The following RALYL variants were observed in gnomAD, a reference collection of about 807,000 sequenced individuals.
RALYL encodes RNA-binding Raly-like protein.
In RALYL, 29 loss-of-function variants were observed where a neutral mutation model predicts 35.1. The ratio of observed to expected loss-of-function variants is 0.83; its 90% confidence interval spans 0.61 to 1.13. The LOEUF is 1.13. Among genes scored for constraint, RALYL ranks in the 50% most tolerant of loss-of-function variants. RALYL has a pLI of 0.00. For synonymous variants in RALYL, 120 were observed against 127.6 expected, an observed-to-expected ratio of 0.94 and a Z score of 0.40; for missense variants, 359 against 360.4, an observed-to-expected ratio of 1.00 and a Z score of 0.03.
intron 8 of RALYL, among the ~76,000 whole-genome samples, chr8:84,908,806 G>A (rs1044005632): frequency 3.3e-5 from 5 of 151,418 alleles, no homozygotes; most frequent in East Asian, 1.9e-4. Flanking sequence ...TCTGCATTTC[G>A]TGCTTGACAA....
intron 1 of RALYL, among the ~76,000 whole-genome samples, chr8:84,277,583 C>T (rs1835668230): frequency 6.6e-6 from 1 of 152,196 alleles, no homozygotes; most frequent in Non-Finnish European, 1.5e-5. Context: ...TGAGACAAGG[C>T]AAGTCCCTTC....
intron 1 of RALYL, among the ~76,000 whole-genome samples, chr8:84,359,208 T>C (rs900562349): frequency 4.6e-5 from 7 of 150,666 alleles, no homozygotes; most frequent in African/African-American, 1.7e-4. Flanking sequence ...GGAGGGACTT[T>C]GAACTATAGG....
intron 1 of RALYL, among the ~76,000 whole-genome samples, chr8:84,468,572 T>C (rs1483251868): frequency 6.7e-6 from 1 of 148,860 alleles, no homozygotes; most frequent in African/African-American, 2.4e-5. Context: ...TGGCTGCCCT[T>C]AACATTTTTT....
intron 2 of RALYL, among the ~76,000 whole-genome samples, chr8:84,682,925 T>C (rs1835898905): frequency 6.6e-6 from 1 of 152,184 alleles, no homozygotes; most frequent in Non-Finnish European, 1.5e-5. Context: ...TTCTTTTAAT[T>C]GTGATGTTAG....
intron 1 of RALYL, among the ~76,000 whole-genome samples, chr8:84,413,992 C>G (rs2044363145): frequency 6.6e-6 from 1 of 151,858 alleles, no homozygotes; most frequent in Non-Finnish European, 1.5e-5. Flanking sequence ...AGGTTTTTTT[C>G]TAAGTAACCT....
chr8:84,184,860 G>A, intron 1 of RALYL: 1 of 1,014,356 alleles, frequency 9.9e-7, no homozygotes, highest in Non-Finnish European at 1.5e-6. Flanking sequence ...GCACCCGGGA[G>A]ATGGGGGTAG....
rs139636931 is a variant in RALYL, at chr8:84,434,744, G to T, written c.-23-94555G>T. Among the ~76,000 whole-genome samples the T allele has an allele frequency of 3.1e-3, 474 of 152,100 alleles. 3 individuals carry two copies. The highest frequency in any genetic ancestry group is 0.011 in the African/African-American group (448 of 41,486). On this transcript the variant is annotated intron_variant, in intron 1 of 8. Coordinates refer to ENST00000521268, the MANE Select transcript of RALYL (RefSeq NM_173848.7). The stretch of plus-strand genomic sequence containing the variant: ...ACTTCAGCCTCGACTACCTGAGCTC[G>T]AGTAATTCTCCCAACTCAGCCTCCC...
chr8:84,479,460 G>T (rs188526402), intron 1 of RALYL, among the ~76,000 whole-genome samples: 10 of 152,182 alleles, frequency 6.6e-5, no homozygotes, highest in Non-Finnish European at 1.5e-4. Flanking sequence ...ACCAAAGCAC[G>T]TGTTTTAGGA....
At chr8:84,422,534 G>T (rs1240252485) in intron 1 of RALYL, among the ~76,000 whole-genome samples, 1 of 74,134 alleles carries the variant, frequency 1.3e-5, no homozygotes, top group Non-Finnish European at 2.5e-5. Context: ...AGGGTTTTTT[G>T]TGTCTCTATT....
At chr8:84,727,206 GATA>G (rs1403929899) in intron 2 of RALYL, among the ~76,000 whole-genome samples, 1 of 151,374 alleles carries the variant, frequency 6.6e-6, no homozygotes, top group Non-Finnish European at 1.5e-5. Flanking sequence ...TTCATGCCAA[GATA>G]ATGTTATCAA....
At chr8:84,776,930 G>A (rs1480888908) in intron 3 of RALYL, among the ~76,000 whole-genome samples, 2 of 152,102 alleles carry the variant, frequency 1.3e-5, no homozygotes, top group Non-Finnish European at 2.9e-5. Context: ...ACAAATTAAG[G>A]CTGTACACTG....
At chr8:84,269,730 T>C (rs1466378619) in intron 1 of RALYL, among the ~76,000 whole-genome samples, 2 of 152,114 alleles carry the variant, frequency 1.3e-5, no homozygotes, top group African/African-American at 4.8e-5. Flanking sequence ...TAATACTGTA[T>C]GTATGGTTAA....
intron 1 of RALYL, among the ~76,000 whole-genome samples, chr8:84,361,082 G>T (rs1185190378): frequency 6.6e-6 from 1 of 152,078 alleles, no homozygotes. Context: ...TTGGGTCTGA[G>T]TGTAAGCACT....
chr8:84,568,214 A>C (rs1234894030), intron 2 of RALYL, among the ~76,000 whole-genome samples: 2 of 91,662 alleles, frequency 2.2e-5, no homozygotes, highest in African/African-American at 4.5e-5. Context: ...CCCACCCCAC[A>C]ACAGTCCCCA....
chr8:84,471,720 C>T (rs2052779319), intron 1 of RALYL, among the ~76,000 whole-genome samples: 1 of 152,182 alleles, frequency 6.6e-6, no homozygotes, highest in African/African-American at 2.4e-5. Flanking sequence ...TTTATCATAA[C>T]ACTGTGACCT....
intron 8 of RALYL, among the ~76,000 whole-genome samples, chr8:84,890,801 CAA>C (rs10584780): frequency 0.38 from 53,835 of 142,756 alleles, 10,145 homozygotes; most frequent in East Asian, 0.72. Flanking sequence ...TCAGATAGTG[CAA>C]AAAAAAAACA....
chr8:84,904,803 C>CT (rs886409545), intron 8 of RALYL, among the ~76,000 whole-genome samples: 4 of 151,420 alleles, frequency 2.6e-5, no homozygotes, highest in Admixed American at 6.6e-5. Context: ...TTTAACCACA[C>CT]TTTTTTTTTA....
At chr8:84,372,195 A>G (rs1855859254) in intron 1 of RALYL, among the ~76,000 whole-genome samples, 1 of 152,058 alleles carries the variant, frequency 6.6e-6, no homozygotes, top group Non-Finnish European at 1.5e-5. Context: ...TTACAAGTCA[A>G]TAACAGCAAA....
chr8:84,612,008 A>G (rs1007579815), intron 2 of RALYL, among the ~76,000 whole-genome samples: 1 of 151,620 alleles, frequency 6.6e-6, no homozygotes, highest in Non-Finnish European at 1.5e-5. Context: ...TTTTTTGTTA[A>G]TTTTTGTATT....
Sources: allele counts gnomAD v4.1 joint callset (sites outside exome capture counted in the v4.1 genomes callset), GRCh38; gene constraint gnomAD v4.1.1; transcripts MANE v1.5; gene names NCBI Gene and HGNC (gene_info 2026-07-23, HGNC 2026-07-21).